The following CNTN4 variants were observed in gnomAD, a reference collection of about 807,000 sequenced individuals.
CNTN4 encodes contactin 4, also known as contactin-4.
In CNTN4, 77 loss-of-function variants were observed where a neutral mutation model predicts 122.5. That is an observed-to-expected ratio of 0.63 (90% CI 0.52 to 0.76). The LOEUF is 0.76. Ranked by LOEUF, CNTN4 falls within the 30% of genes least tolerant of loss-of-function variation. CNTN4 has a pLI of 0.00. For missense variants in CNTN4, 1,256 were observed against 1,259.1 expected, an observed-to-expected ratio of 1.00 and a Z score of 0.04; for synonymous variants, 512 against 447.0, an observed-to-expected ratio of 1.15 and a Z score of -1.83.
intron 3 of CNTN4, among the ~76,000 whole-genome samples, chr3:2,475,836 C>G (rs2151538172): frequency 6.6e-6 from 1 of 152,290 alleles, no homozygotes. Flanking sequence ...CATAGGCAGT[C>G]TAGTCTGAAT....
intron 6 of CNTN4, among the ~76,000 whole-genome samples, chr3:2,785,901 C>CCCCG (rs2091798528): frequency 1.6e-5 from 2 of 128,902 alleles, no homozygotes; most frequent in East Asian, 5.9e-4. Flanking sequence ...CGCTGCCCCC[C>CCCCG]CCCGCCCCCC....
At chr3:2,602,865 T>C (rs2081105575) in intron 4 of CNTN4, among the ~76,000 whole-genome samples, 1 of 152,184 alleles carries the variant, frequency 6.6e-6, no homozygotes, top group Non-Finnish European at 1.5e-5. Context: ...TTCTTAAGTC[T>C]CAGCTTTGAG....
intron 3 of CNTN4, among the ~76,000 whole-genome samples, chr3:2,564,195 C>G (rs1399801083): frequency 6.6e-6 from 1 of 152,058 alleles, no homozygotes; most frequent in Non-Finnish European, 1.5e-5. Context: ...TGCCCCTGGA[C>G]AATATTTACC....
At chr3:2,563,521 T>C (rs1171011888) in intron 3 of CNTN4, among the ~76,000 whole-genome samples, 1 of 152,188 alleles carries the variant, frequency 6.6e-6, no homozygotes, top group African/African-American at 2.4e-5. Flanking sequence ...TATTCTACCA[T>C]TACGTTATCT....
intron 2 of CNTN4, among the ~76,000 whole-genome samples, chr3:2,200,323 T>TTAAA (rs1222512804): frequency 6.6e-6 from 1 of 152,216 alleles, no homozygotes; most frequent in Non-Finnish European, 1.5e-5. Context: ...GGTAAGTCAC[T>TTAAA]TAAATATTTC....
chr3:2,459,205 T>C (rs1174470801), intron 3 of CNTN4, among the ~76,000 whole-genome samples: 1 of 152,148 alleles, frequency 6.6e-6, no homozygotes, highest in African/African-American at 2.4e-5. Flanking sequence ...AGGAAGATCT[T>C]CAATGGGGAA....
At chr3:2,620,647 G>A (rs1482418593) in intron 4 of CNTN4, among the ~76,000 whole-genome samples, 1 of 152,112 alleles carries the variant, frequency 6.6e-6, no homozygotes, top group Non-Finnish European at 1.5e-5. Flanking sequence ...TGAGTTTAAT[G>A]CTTTCTAATT....
At position 2,863,444 on chromosome 3, in the gene CNTN4, C is replaced by CTTTTTT. The variant is rs5846228; in HGVS notation, c.455-3293_455-3288dup. The stretch of plus-strand genomic sequence containing the variant: ...CTCTTCTTGGCATCTATGGTTTCTT[C>CTTTTTT]TTTTTTTTTTTTTTTTTTTTCAGCA... On this transcript the variant is annotated intron_variant, in intron 7 of 24. Coordinates refer to ENST00000418658, the MANE Select transcript of CNTN4 (RefSeq NM_175607.3). 9.5e-4 allele frequency among the ~76,000 whole-genome samples: 88 copies of CTTTTTT among 92,354 alleles called. 1 individual carries two copies. Among genetic ancestry groups the CTTTTTT allele is most frequent in the African/African-American group, 1.5e-3 (35 of 23,150 alleles). The allele number at this position is 92,354 out of a possible 152,430, so 60.6% of individuals were successfully genotyped here.
chr3:2,274,635 G>A (rs1447220453), intron 2 of CNTN4, among the ~76,000 whole-genome samples: 1 of 151,986 alleles, frequency 6.6e-6, no homozygotes, highest in East Asian at 1.9e-4. Flanking sequence ...TTCTCAGCAA[G>A]TTAAAATGTC....
intron 4 of CNTN4, among the ~76,000 whole-genome samples, chr3:2,585,894 A>G (rs146343878): frequency 6.6e-6 from 1 of 151,948 alleles, no homozygotes; most frequent in Non-Finnish European, 1.5e-5. Flanking sequence ...AAAAAAGCTA[A>G]TGAGGCTAGC....
intron 2 of CNTN4, among the ~76,000 whole-genome samples, chr3:2,158,272 A>G (rs985333237): frequency 6.6e-6 from 1 of 152,214 alleles, no homozygotes; most frequent in African/African-American, 2.4e-5. Flanking sequence ...AAGTTTAGAT[A>G]TGTTTCTAAA....
At chr3:2,471,408 G>T (rs759812374) in intron 3 of CNTN4, among the ~76,000 whole-genome samples, 34 of 152,154 alleles carry the variant, frequency 2.2e-4, no homozygotes, top group Non-Finnish European at 4.4e-4. Context: ...ATGGTTAAGG[G>T]CTAGCCTTCT....
chr3:3,052,292 G>A (rs1383522358), intron 23 of CNTN4, among the ~76,000 whole-genome samples: 1 of 152,122 alleles, frequency 6.6e-6, no homozygotes, highest in African/African-American at 2.4e-5. Flanking sequence ...GTGCATTGTA[G>A]ACTGTTCAGC....
intron 2 of CNTN4, among the ~76,000 whole-genome samples, chr3:2,292,025 C>A (rs1415034242): frequency 6.6e-6 from 1 of 152,112 alleles, no homozygotes; most frequent in Non-Finnish European, 1.5e-5. Context: ...CGTGAGCCAC[C>A]GCGCCTGGCG....
chr3:3,014,005 G>C (rs571566862), intron 14 of CNTN4, among the ~76,000 whole-genome samples: 1 of 150,822 alleles, frequency 6.6e-6, no homozygotes, highest in East Asian at 2.0e-4. Flanking sequence ...ATACATTCCT[G>C]TAAACTTTAA....
chr3:2,113,324 T>A (rs779450194), intron 2 of CNTN4, among the ~76,000 whole-genome samples: 7 of 152,196 alleles, frequency 4.6e-5, no homozygotes, highest in Non-Finnish European at 1.0e-4. Context: ...AGATATACAG[T>A]CTAAGTACAT....
intron 7 of CNTN4, among the ~76,000 whole-genome samples, chr3:2,860,825 T>A (rs1460688550): frequency 2.0e-5 from 3 of 152,228 alleles, no homozygotes; most frequent in African/African-American, 7.2e-5. Flanking sequence ...TCATATGACA[T>A]GAGTGGTTTT....
chr3:2,277,536 C>T (rs917925216), intron 2 of CNTN4, among the ~76,000 whole-genome samples: 5 of 152,208 alleles, frequency 3.3e-5, no homozygotes, highest in Admixed American at 1.3e-4. Context: ...TTTCTGGTCT[C>T]CCCCTCTTGC....
chr3:2,777,978 G>T (rs1188343164), intron 6 of CNTN4, among the ~76,000 whole-genome samples: 1 of 151,986 alleles, frequency 6.6e-6, no homozygotes, highest in African/African-American at 2.4e-5. Context: ...ACTTTGGGAG[G>T]CCGAGGTGGG....
Sources: allele counts gnomAD v4.1 joint callset (sites outside exome capture counted in the v4.1 genomes callset), GRCh38; gene constraint gnomAD v4.1.1; transcripts MANE v1.5; gene names NCBI Gene and HGNC (gene_info 2026-07-23, HGNC 2026-07-21).